Variants in TPP2 observed in about 807,000 individuals in gnomAD.
The protein encoded by TPP2 is tripeptidyl-peptidase 2.
In TPP2, 34 loss-of-function variants were observed where a neutral mutation model predicts 155.9. That is an observed-to-expected ratio of 0.22 (90% CI 0.17 to 0.29). TPP2 has a LOEUF of 0.29. Among genes scored for constraint, TPP2 ranks in the 10% least tolerant of loss-of-function variants. TPP2 has a pLI of 1.00. For synonymous variants in TPP2, 510 were observed against 529.4 expected, an observed-to-expected ratio of 0.96 and a Z score of 0.50; for missense variants, 1,028 against 1,522.3, an observed-to-expected ratio of 0.68 and a Z score of 5.40.
chr13:102,606,186 A>G (rs1374679468), intron 2 of TPP2, among the ~76,000 whole-genome samples: 2 of 152,228 alleles, frequency 1.3e-5, no homozygotes, highest in Non-Finnish European at 2.9e-5. Flanking sequence ...AGTTTGGAAC[A>G]TAAAATTATG....
chr13:102,658,440 A>G (rs746570974), intron 25 of TPP2, among the ~76,000 whole-genome samples: 6 of 152,224 alleles, frequency 3.9e-5, no homozygotes, highest in Non-Finnish European at 7.3e-5. Context: ...ACAGTTGACA[A>G]TATAATATAA....
chr13:102,596,989 C>G lies in TPP2; in HGVS notation c.-50C>G. The G allele has an allele frequency of 6.3e-7, 1 of 1,595,330 alleles. No homozygotes were observed. Among genetic ancestry groups the G allele is most frequent in the Non-Finnish European group, 8.5e-7 (1 of 1,171,592 alleles). On this transcript the variant is annotated 5_prime_UTR_variant, in exon 1 of 30. Coordinates refer to ENST00000376052, the MANE Select transcript of TPP2 (RefSeq NM_001330588.2). The stretch of plus-strand genomic sequence containing the variant: ...GCACGGGTGTCCTCGCGCTGCTAGT[C>G]CGCGCGCAGCCTGGCAGTTTGCCGC...
chr13:102,676,951 A>G (rs546510393), intron 29 of TPP2, among the ~76,000 whole-genome samples: 11 of 152,200 alleles, frequency 7.2e-5, no homozygotes, highest in Non-Finnish European at 1.5e-4. Context: ...GTCTTTGAAC[A>G]TGCTTAATTG....
intron 13 of TPP2, 50 bp downstream of exon 13, chr13:102,636,442 A>T (rs1882387489): frequency 1.3e-6 from 2 of 1,565,772 alleles, no homozygotes; most frequent in Non-Finnish European, 1.7e-6. Flanking sequence ...TGCTGTTTGA[A>T]TGAGTGGTAT....
At position 102,646,344 on chromosome 13, in the gene TPP2, A is replaced by T; in HGVS notation, c.2444A>T (p.Asn815Ile). 1 of 1,613,340 alleles carries T rather than the reference A, an allele frequency of 6.2e-7. No individual in the cohort carries two copies. The highest frequency in any genetic ancestry group is 8.5e-7 in the Non-Finnish European group (1 of 1,179,664). ...TTAGGATCAAGAGATGTTTTGCCAA[A>T]TAACCGTCAACTTTATGAGATGGTC... ...KPLGSRDVLPNNRQLYEMVLT... is the reference protein window; with the variant it reads ...KPLGSRDVLPINRQLYEMVLT... Residue 815 changes from asparagine to isoleucine, a missense_variant, in exon 20 of 30, where the codon AAT becomes ATT. Transcript: ENST00000376052.
rs917816845 is a variant in TPP2 at position 102,643,896 on chromosome 13, C to T, written c.2175+520C>T. Among the ~76,000 whole-genome samples, 5 of 152,244 alleles carry T rather than the reference C, an allele frequency of 3.3e-5. No individual in the cohort carries two copies. The East Asian group carries it at 5.8e-4, about 18-fold the overall frequency. ...AAGTACTGATGTTCTTCCTTCAATG[C>T]GCTCCTTTGTGTTTTCAGTTGGTTC... On this transcript the variant is annotated intron_variant, in intron 17 of 29. Coordinates refer to ENST00000376052, the MANE Select transcript of TPP2 (RefSeq NM_001330588.2).
chr13:102,670,149 T>C (rs1884873301), intron 27 of TPP2, among the ~76,000 whole-genome samples: 1 of 133,070 alleles, frequency 7.5e-6, no homozygotes, highest in Non-Finnish European at 1.6e-5. Context: ...ATAAAAAGCA[T>C]TAAAGAATTA....
intron 7 of TPP2, 78 bp from the exon 8 acceptor site, chr13:102,627,768 TTA>T: frequency 1.0e-6 from 1 of 982,384 alleles, no homozygotes. Flanking sequence ...AACTATAGGA[TTA>T]TATATATGCC....
chr13:102,647,427 T>C, intron 21 of TPP2, 83 bp downstream of exon 21: 1 of 1,499,316 alleles, frequency 6.7e-7, no homozygotes, highest in Non-Finnish European at 8.9e-7. Flanking sequence ...TATGGTAATG[T>C]TCATACTTTA....
chr13:102,655,059 C>A, intron 24 of TPP2: 1 of 489,630 alleles, frequency 2.0e-6, no homozygotes. Context: ...GGGAGAATGA[C>A]AGCCAGTGGC....
chr13:102,671,003 A>G (rs897462793), intron 27 of TPP2, among the ~76,000 whole-genome samples: 60 of 152,214 alleles, frequency 3.9e-4, no homozygotes. Context: ...TGCAATTAGG[A>G]AAGTCTTTTC....
intron 10 of TPP2, among the ~76,000 whole-genome samples, chr13:102,632,678 A>G (rs1458856897): frequency 1.3e-5 from 2 of 152,204 alleles, no homozygotes; most frequent in Non-Finnish European, 2.9e-5. Flanking sequence ...TTCCAATGCT[A>G]TCAAATACCA....
chr13:102,597,300 C>T (rs2139391386), intron 1 of TPP2, 97 bp downstream of exon 1: 2 of 720,294 alleles, frequency 2.8e-6, no homozygotes. Context: ...AAGCCCCGCT[C>T]TGCGGCCGAG....
intron 10 of TPP2, among the ~76,000 whole-genome samples, chr13:102,633,615 G>GA (rs1882167936): frequency 6.6e-6 from 1 of 152,124 alleles, no homozygotes; most frequent in South Asian, 2.1e-4. Context: ...AGATAAGAGA[G>GA]ATGTACACTC....
intron 3 of TPP2, among the ~76,000 whole-genome samples, chr13:102,615,645 TAGGG>T (rs764015395): frequency 7.4e-4 from 113 of 151,842 alleles, no homozygotes; most frequent in Admixed American, 1.7e-3. Context: ...GAAAAAAAAA[TAGGG>T]AGGACATTGA....
At position 102,678,539 on chromosome 13, in the gene TPP2, G is replaced by A. The variant is rs568300134; in HGVS notation, c.*223G>A. 2.3e-6 allele frequency: 1 copy of A among 431,484 alleles called. No individual in the cohort carries two copies. Among genetic ancestry groups the A allele is most frequent in the Admixed American group, 4.0e-5 (1 of 25,054 alleles). 26.7% of individuals were successfully genotyped at this position (431,484 alleles called of 1,614,324 possible). A position where few individuals can be genotyped will look rare whatever the true frequency, so the allele number is the denominator to read the frequency against. On this transcript the variant is annotated 3_prime_UTR_variant, in exon 30 of 30. Coordinates refer to ENST00000376052, the MANE Select transcript of TPP2 (RefSeq NM_001330588.2). ...GTTTTCTTAATGCCTCACATTGCTG[G>A]CACGGGGATGTGCCCTGCCTGCCAG...
chr13:102,667,498 A>G (rs571079991), intron 27 of TPP2, among the ~76,000 whole-genome samples: 1 of 152,344 alleles, frequency 6.6e-6, no homozygotes, highest in African/African-American at 2.4e-5. Context: ...AGATAATGAA[A>G]TACAAGTATT....
intron 21 of TPP2, among the ~76,000 whole-genome samples, chr13:102,648,150 T>C (rs1883251048): frequency 1.3e-5 from 2 of 152,200 alleles, no homozygotes; most frequent in Admixed American, 1.3e-4. Context: ...GATAATAGAT[T>C]TGTATCCCTT....
chr13:102,661,246 T>G (rs1012452063), intron 25 of TPP2, among the ~76,000 whole-genome samples: 3 of 132,768 alleles, frequency 2.3e-5, no homozygotes, highest in African/African-American at 9.1e-5. Flanking sequence ...TAAAGAACGC[T>G]AACCTTTTTT....
Sources: gnomAD v4.1 joint callset for allele counts (sites outside exome capture counted in the v4.1 genomes callset) on GRCh38, gnomAD v4.1.1 for gene constraint, MANE v1.5 for transcripts, NCBI Gene and HGNC (gene_info 2026-07-23, HGNC 2026-07-21) for gene names.